The following PAK5 variants were observed in gnomAD, a reference collection of about 807,000 sequenced individuals.
The protein encoded by PAK5 is serine/threonine-protein kinase PAK 5.
PAK5 carries 16 observed loss-of-function variants against 65.9 expected under a neutral mutation model. The observed-to-expected ratio is 0.24, with a 90% confidence interval of 0.16 to 0.37. The LOEUF is 0.37. PAK5 is among the 10% of genes least tolerant of loss of function. PAK5 has a pLI of 1.00. For missense variants in PAK5, 785 were observed against 903.9 expected (o/e 0.87, Z 1.69); for synonymous variants, 371 against 354.9 (o/e 1.05, Z -0.51).
At chr20:9,657,261 T>C (rs1438742824) in intron 2 of PAK5, among the ~76,000 whole-genome samples, 1 of 152,212 alleles carries the variant, frequency 6.6e-6, no homozygotes, top group Non-Finnish European at 1.5e-5. Flanking sequence ...CCATCTGGGA[T>C]GGTCCTGTTT....
In PAK5 at chr20:9,566,279, A is replaced by C. The variant is rs2045678468; in HGVS notation, c.1096T>G (p.Tyr366Asp). Residue 366 changes from tyrosine to aspartate, a missense_variant, in exon 5 of 10, where the codon TAT (tyrosine) becomes GAT (aspartate). Transcript: ENST00000353224. ...GGGTACTGGTGACTGCTTGAGGAAT[A>C]GCCCGATTTGCTTTGACTTTGAGGT... ...KLPQSQSKSGYSSSSHQYPSG... is the reference protein window; with the variant it reads ...KLPQSQSKSGDSSSSHQYPSG... 6.2e-7 allele frequency: 1 copy of C among 1,613,586 alleles called. No homozygotes were observed. Among genetic ancestry groups the C allele is most frequent in the African/African-American group, 1.3e-5 (1 of 74,858 alleles).
intron 1 of PAK5, among the ~76,000 whole-genome samples, chr20:9,749,202 A>G (rs1386434749): frequency 6.6e-6 from 1 of 152,166 alleles, no homozygotes; most frequent in Non-Finnish European, 1.5e-5. Flanking sequence ...AATACTTACT[A>G]GTTCTCACTT....
intron 3 of PAK5, among the ~76,000 whole-genome samples, chr20:9,598,492 G>A (rs2046309734): frequency 6.6e-6 from 1 of 152,148 alleles, no homozygotes; most frequent in South Asian, 2.1e-4. Context: ...GGATTGCTGG[G>A]TCAAATGGTA....
intron 2 of PAK5, among the ~76,000 whole-genome samples, chr20:9,649,001 A>C (rs1010078891): frequency 2.0e-5 from 3 of 152,198 alleles, no homozygotes; most frequent in African/African-American, 7.2e-5. Context: ...AGGGCACAGC[A>C]TACCTCCTTC....
chr20:9,726,065 C>T (rs2048273910), intron 1 of PAK5, among the ~76,000 whole-genome samples: 2 of 151,822 alleles, frequency 1.3e-5, no homozygotes, highest in African/African-American at 4.8e-5. Context: ...ATTTACAGCC[C>T]ATATTTGTAG....
At chr20:9,835,746 G>A (rs555157937) in intron 1 of PAK5, among the ~76,000 whole-genome samples, 1 of 152,292 alleles carries the variant, frequency 6.6e-6, no homozygotes, top group Admixed American at 6.5e-5. Context: ...AAGACTGCAT[G>A]ATGGTTTTAA....
At chr20:9,730,565 C>T (rs913871667) in intron 1 of PAK5, among the ~76,000 whole-genome samples, 15 of 152,170 alleles carry the variant, frequency 9.9e-5, no homozygotes, top group South Asian at 4.1e-4. Flanking sequence ...AATATATGCA[C>T]GCTTACGAGT....
At chr20:9,650,153 A>G (rs1040091463) in intron 2 of PAK5, among the ~76,000 whole-genome samples, 8 of 152,242 alleles carry the variant, frequency 5.3e-5, no homozygotes, top group Non-Finnish European at 7.3e-5. Context: ...GGATAACTCA[A>G]TGAGAAGGTA....
At chr20:9,604,512 G>A (rs1008709633) in intron 3 of PAK5, among the ~76,000 whole-genome samples, 1 of 152,136 alleles carries the variant, frequency 6.6e-6, no homozygotes, top group African/African-American at 2.4e-5. Context: ...AAGTATGGAG[G>A]ACAAGCCACT....
chr20:9,604,145 A>T (rs1159855144), intron 3 of PAK5, among the ~76,000 whole-genome samples: 1 of 152,186 alleles, frequency 6.6e-6, no homozygotes, highest in Non-Finnish European at 1.5e-5. Context: ...GGCATCCGGG[A>T]GTGGCCAACC....
At chr20:9,549,366 G>C (rs1490144001) in intron 7 of PAK5, among the ~76,000 whole-genome samples, 1 of 152,040 alleles carries the variant, frequency 6.6e-6, no homozygotes, top group Non-Finnish European at 1.5e-5. Flanking sequence ...CCAGATTAAC[G>C]TAGGCCAATT....
intron 3 of PAK5, among the ~76,000 whole-genome samples, chr20:9,609,539 G>C (rs2046518754): frequency 6.6e-6 from 1 of 152,140 alleles, no homozygotes; most frequent in African/African-American, 2.4e-5. Flanking sequence ...TTTATGGTGG[G>C]GGTCACATGG....
chr20:9,802,694 G>C (rs2049183045), intron 1 of PAK5, among the ~76,000 whole-genome samples: 2 of 151,512 alleles, frequency 1.3e-5, no homozygotes, highest in Admixed American at 1.3e-4. Flanking sequence ...AGGAAGTAGA[G>C]AAAAACTGGG....
intron 3 of PAK5, among the ~76,000 whole-genome samples, chr20:9,592,297 G>A (rs986212196): frequency 5.3e-5 from 8 of 152,150 alleles, no homozygotes; most frequent in Non-Finnish European, 7.3e-5. Context: ...ACCACTATGC[G>A]TGTAATATCC....
At chr20:9,686,020 A>C (rs1452433493) in intron 2 of PAK5, among the ~76,000 whole-genome samples, 1 of 152,194 alleles carries the variant, frequency 6.6e-6, no homozygotes, top group Non-Finnish European at 1.5e-5. Flanking sequence ...GAGCTAAATA[A>C]GCCTTAAATA....
intron 4 of PAK5, among the ~76,000 whole-genome samples, chr20:9,577,913 C>T (rs1280427837): frequency 6.6e-6 from 1 of 152,032 alleles, no homozygotes; most frequent in Non-Finnish European, 1.5e-5. Context: ...CTGGCAGAGC[C>T]AGATTTCAGG....
At chr20:9,637,706 A>G (rs1016299772) in intron 3 of PAK5, among the ~76,000 whole-genome samples, 1 of 152,232 alleles carries the variant, frequency 6.6e-6, no homozygotes, top group Non-Finnish European at 1.5e-5. Context: ...TAAAAAAGCA[A>G]GTTAGAGATT....
At chr20:9,646,399 A>G (rs963775041) in intron 2 of PAK5, among the ~76,000 whole-genome samples, 1 of 152,218 alleles carries the variant, frequency 6.6e-6, no homozygotes, top group African/African-American at 2.4e-5. Flanking sequence ...CTGTAATGAA[A>G]ACGGATGAAA....
intron 2 of PAK5, among the ~76,000 whole-genome samples, chr20:9,665,372 C>T (rs1260371041): frequency 1.3e-5 from 2 of 152,170 alleles, no homozygotes; most frequent in African/African-American, 4.8e-5. Context: ...CTCCTGGCCA[C>T]ATGAATGCTG....
Sources: gnomAD v4.1 joint callset for allele counts (sites outside exome capture counted in the v4.1 genomes callset) on GRCh38, gnomAD v4.1.1 for gene constraint, MANE v1.5 for transcripts, NCBI Gene and HGNC (gene_info 2026-07-23, HGNC 2026-07-21) for gene names.